Variants in VWA8 observed in about 807,000 individuals in gnomAD.
The protein encoded by VWA8 is von Willebrand factor A domain-containing protein 8.
VWA8 carries 221 observed loss-of-function variants against 241.5 expected under a neutral mutation model. The ratio of observed to expected loss-of-function variants is 0.91; its 90% confidence interval spans 0.82 to 1.02. The LOEUF is 1.02. Among genes scored for constraint, VWA8 ranks in the 50% least tolerant of loss-of-function variants. The probability of loss-of-function intolerance (pLI) is 0.00; values close to 1 mark genes in which losing one functional copy is unlikely to be tolerated. For missense variants in VWA8, 2,322 were observed against 2,328.7 expected, an observed-to-expected ratio of 1.00 and a Z score of 0.06; for synonymous variants, 852 against 827.1, an observed-to-expected ratio of 1.03 and a Z score of -0.52.
At chr13:41,568,391 T>A in intron 44 of VWA8, 86 bp from the exon 45 acceptor site, 1 of 1,064,332 alleles carries the variant, frequency 9.4e-7, no homozygotes, top group South Asian at 1.4e-5. Flanking sequence ...AGCCCCCTAA[T>A]GGTTTCTTAG....
chr13:41,645,861 A>G (rs993663130), intron 37 of VWA8, among the ~76,000 whole-genome samples: 2 of 151,666 alleles, frequency 1.3e-5, no homozygotes, highest in Admixed American at 1.3e-4. Flanking sequence ...ACTTACTTTT[A>G]TTTTTCTAAG....
intron 10 of VWA8, among the ~76,000 whole-genome samples, chr13:41,866,305 C>T (rs1421274436): frequency 3.3e-5 from 5 of 151,490 alleles, no homozygotes; most frequent in African/African-American, 4.8e-5. Context: ...GCCAAGATTG[C>T]GCCACTGCAC....
At chr13:41,934,639 T>C (rs1877269778) in intron 2 of VWA8, among the ~76,000 whole-genome samples, 1 of 151,888 alleles carries the variant, frequency 6.6e-6, no homozygotes, top group Non-Finnish European at 1.5e-5. Context: ...TTATGCTGAG[T>C]GATAAAAGCT....
At position 41,927,960 on chromosome 13, in the gene VWA8, T is replaced by C. The variant is rs551163891; in HGVS notation, c.242-15792A>G. Among the ~76,000 whole-genome samples, 9 of 152,310 alleles carry C rather than the reference T, an allele frequency of 5.9e-5. No individual in the cohort carries two copies. The East Asian group carries it at 1.2e-3, about 20-fold the overall frequency. On this transcript the variant is annotated intron_variant, in intron 2 of 44. Transcript: ENST00000379310. ...AAGAAAGCATGAATGGCTATACTAA[T>C]ATCTAATAAAATAGACTTCACGTCA...
At chr13:41,600,451 G>A (rs1010346537) in intron 40 of VWA8, among the ~76,000 whole-genome samples, 4 of 152,190 alleles carry the variant, frequency 2.6e-5, no homozygotes, top group South Asian at 4.1e-4. Flanking sequence ...ACATGTAGAC[G>A]TTCCTTGACT....
In VWA8 at chr13:41,961,017, G is replaced by A. The variant is rs1004897832; in HGVS notation, c.-2C>T. ...GAGGAGTAGAAGCCGGGATTGCATGGCGCCGGGGGGGCTGTCGGGGACGGC... is the reference window on the plus strand; with the variant it reads ...GAGGAGTAGAAGCCGGGATTGCATGACGCCGGGGGGGCTGTCGGGGACGGC... On this transcript the variant is annotated 5_prime_UTR_variant, in exon 1 of 45. Coordinates refer to ENST00000379310, the MANE Select transcript of VWA8 (RefSeq NM_015058.2). 1.7e-5 allele frequency: 23 copies of A among 1,365,686 alleles called. No homozygotes were observed. The highest frequency in any genetic ancestry group is 2.1e-5 in the Non-Finnish European group (22 of 1,066,410). 84.6% of individuals were successfully genotyped at this position (1,365,686 alleles called of 1,614,324 possible). A position where few individuals can be genotyped will look rare whatever the true frequency, so the allele number is the denominator to read the frequency against.
At chr13:41,738,525 A>G (rs528601873) in intron 21 of VWA8, among the ~76,000 whole-genome samples, 13 of 152,202 alleles carry the variant, frequency 8.5e-5, no homozygotes, top group South Asian at 4.1e-4. Flanking sequence ...GAAATTCTTC[A>G]AAAGTCAAAG....
intron 14 of VWA8, among the ~76,000 whole-genome samples, chr13:41,823,935 C>T (rs994440644): frequency 2.0e-5 from 3 of 152,040 alleles, no homozygotes; most frequent in Non-Finnish European, 4.4e-5. Flanking sequence ...ATTATGAGAC[C>T]CTCAGTTAAT....
intron 14 of VWA8, among the ~76,000 whole-genome samples, chr13:41,825,640 C>A (rs1373922649): frequency 6.6e-6 from 1 of 152,146 alleles, no homozygotes; most frequent in East Asian, 1.9e-4. Flanking sequence ...GTCTTTCTAC[C>A]TTTGACCTTT....
chr13:41,700,394 TA>T lies in VWA8; in HGVS notation c.3364+997del, dbSNP rs145082831. On this transcript the variant is annotated intron_variant, in intron 28 of 44. Coordinates refer to ENST00000379310, the MANE Select transcript of VWA8 (RefSeq NM_015058.2). Reference sequence around the variant, plus strand: ...GTCAACAGAAGGACTGAAAAAGACCTATTTTTTTAGGAGACAATGCAAACTG... The same window carrying T: ...GTCAACAGAAGGACTGAAAAAGACCTTTTTTTTAGGAGACAATGCAAACTG... Among the ~76,000 whole-genome samples the T allele has an allele frequency of 7.9e-3, 1,208 of 152,210 alleles. 18 individuals carry two copies. Among genetic ancestry groups the T allele is most frequent in the African/African-American group, 0.028 (1,145 of 41,544 alleles).
intron 42 of VWA8, among the ~76,000 whole-genome samples, chr13:41,580,503 A>G: frequency 6.6e-6 from 1 of 152,200 alleles, no homozygotes; most frequent in Non-Finnish European, 1.5e-5. Flanking sequence ...ATATGTTTCC[A>G]CTTTCTCCTG....
chr13:41,729,597 T>A lies in VWA8; in HGVS notation c.2583A>T (p.Lys861Asn). The A allele has an allele frequency of 6.2e-7, 1 of 1,613,228 alleles. No individual in the cohort carries two copies. The highest frequency in any genetic ancestry group is 8.5e-7 in the Non-Finnish European group (1 of 1,179,546). Residue 861 changes from lysine to asparagine, a missense_variant, in exon 23 of 45, where the codon AAA (lysine) becomes AAT (asparagine). Coordinates refer to ENST00000379310, the MANE Select transcript of VWA8 (RefSeq NM_015058.2). ...KAPTNVTCIL[K>N]TLVENGEMIL... Reference sequence around the variant, plus strand: ...TCATTTCTCCATTTTCTACTAGAGTTTTTAAAATACACGTGACATTTGTTG... The same window carrying A: ...TCATTTCTCCATTTTCTACTAGAGTATTTAAAATACACGTGACATTTGTTG...
chr13:41,584,394 T>G (rs1428908420), intron 42 of VWA8, among the ~76,000 whole-genome samples: 1 of 152,132 alleles, frequency 6.6e-6, no homozygotes, highest in African/African-American at 2.4e-5. Flanking sequence ...AGTTCTAAAG[T>G]CTGTGGACAC....
Position 41,866,005 on chromosome 13 carries a change from G to A in VWA8, c.1244C>T (p.Pro415Leu), listed in dbSNP as rs988675461. 20 of 1,614,028 alleles carry A rather than the reference G, an allele frequency of 1.2e-5. No homozygotes were observed. The highest frequency in any genetic ancestry group is 1.4e-5 in the Non-Finnish European group (17 of 1,180,026). ...CTGTATGAAACGGTCTGACGCACAA[G>A]GTTGACTTAATAGCCTGGTCCCGGC... ...VPAGTRLLSQ[P>L]CASDRFIQTL... is the part of the protein sequence containing the mutation. Residue 415 changes from proline (P) to leucine (L), a missense_variant, in exon 11 of 45, where the codon CCT (proline) becomes CTT (leucine). Transcript: ENST00000379310.
chr13:41,674,807 T>C lies in VWA8; in HGVS notation c.4409+408A>G, dbSNP rs79165122. The stretch of plus-strand genomic sequence containing the variant: ...CCCTGACTGCAGATGCATAATAACA[T>C]ATATCAAAACAATATTAAAGAAATC... On this transcript the variant is annotated intron_variant, in intron 36 of 44. Coordinates refer to ENST00000379310, the MANE Select transcript of VWA8 (RefSeq NM_015058.2). 2.7e-3 allele frequency among the ~76,000 whole-genome samples: 407 copies of C among 152,340 alleles called. 2 individuals carry two copies. The highest frequency in any genetic ancestry group is 9.3e-3 in the African/African-American group (388 of 41,590).
intron 16 of VWA8, among the ~76,000 whole-genome samples, chr13:41,813,643 C>T (rs1870564849): frequency 6.6e-6 from 1 of 152,086 alleles, no homozygotes; most frequent in Non-Finnish European, 1.5e-5. Flanking sequence ...AAGGAATGCT[C>T]ATATATTTGA....
intron 9 of VWA8, among the ~76,000 whole-genome samples, chr13:41,870,707 C>T (rs1438854666): frequency 6.6e-6 from 1 of 151,220 alleles, no homozygotes; most frequent in Non-Finnish European, 1.5e-5. Flanking sequence ...AATAAATGAG[C>T]TTAAATGTAT....
intron 35 of VWA8, among the ~76,000 whole-genome samples, chr13:41,683,150 C>T (rs116051699): frequency 2.1e-3 from 317 of 152,104 alleles, no homozygotes; most frequent in African/African-American, 7.3e-3. Flanking sequence ...TTCATAGTGG[C>T]CTTACTCTTT....
At chr13:41,619,503 T>C (rs1326518415) in intron 37 of VWA8, among the ~76,000 whole-genome samples, 1 of 152,136 alleles carries the variant, frequency 6.6e-6, no homozygotes, top group African/African-American at 2.4e-5. Flanking sequence ...CTTCCAACAC[T>C]ATGTTGAATA....
Sources: gnomAD v4.1 joint callset for allele counts (sites outside exome capture counted in the v4.1 genomes callset) on GRCh38, gnomAD v4.1.1 for gene constraint, MANE v1.5 for transcripts, NCBI Gene and HGNC (gene_info 2026-07-23, HGNC 2026-07-21) for gene names.